The following MLIP variants were observed in gnomAD, a reference collection of about 807,000 sequenced individuals.
MLIP encodes muscular LMNA-interacting protein.
MLIP carries 79 observed loss-of-function variants against 84.8 expected under a neutral mutation model. The observed-to-expected ratio is 0.93, with a 90% CI of 0.78 to 1.12. The LOEUF is 1.12. Ranked by LOEUF, MLIP falls within the 50% of genes most tolerant of loss-of-function variation. The probability of loss-of-function intolerance (pLI) is 0.00; values close to 1 mark genes in which losing one functional copy is unlikely to be tolerated. For missense variants in MLIP, 1,257 were observed against 1,160.6 expected (o/e 1.08, Z -1.21); for synonymous variants, 504 against 463.0 (o/e 1.09, Z -1.14).
chr6:54,192,627 T>C (rs914460079), intron 10 of MLIP, among the ~76,000 whole-genome samples: 4 of 151,798 alleles, frequency 2.6e-5, no homozygotes, highest in African/African-American at 9.7e-5. Flanking sequence ...TATATATTTA[T>C]ATTTTTATAT....
Position 54,136,948 on chromosome 6 carries a change from C to T in MLIP, c.879C>T (p.Thr293=), listed in dbSNP as rs1366886357. The T allele has an allele frequency of 1.1e-5, 17 of 1,536,092 alleles. No individual in the cohort carries two copies. Among genetic ancestry groups the T allele is most frequent in the Non-Finnish European group, 1.4e-5 (16 of 1,146,886 alleles). ...HSTPFSASKG[T]SSTLLFPHST... Reference sequence around the variant, plus strand: ...CACCCTTTTCTGCATCGAAGGGCACCTCCTCGACGTTACTGTTTCCCCATT... The same window carrying T: ...CACCCTTTTCTGCATCGAAGGGCACTTCCTCGACGTTACTGTTTCCCCATT... The change falls in exon 4 of 14, where the codon ACC becomes ACT. Residue 293 remains threonine, a synonymous_variant. Transcript: ENST00000502396.
At chr6:54,173,786 T>C (rs1479891444) in intron 9 of MLIP, among the ~76,000 whole-genome samples, 1 of 151,970 alleles carries the variant, frequency 6.6e-6, no homozygotes, top group Admixed American at 6.6e-5. Context: ...TTGACTATAG[T>C]CAATTATTAT....
chr6:54,217,813 T>G, intron 11 of MLIP: 1 of 985,052 alleles, frequency 1.0e-6, no homozygotes, highest in African/African-American at 1.7e-5. Context: ...TGTACATCCC[T>G]CAAAAACTAA....
At chr6:54,084,071 A>G (rs1345863552) in intron 1 of MLIP, among the ~76,000 whole-genome samples, 1 of 152,150 alleles carries the variant, frequency 6.6e-6, no homozygotes, top group Non-Finnish European at 1.5e-5. Flanking sequence ...TGTAATTCTA[A>G]TTTCTTAACA....
chr6:54,103,238 C>T (rs1340539504), intron 1 of MLIP, among the ~76,000 whole-genome samples: 1 of 152,088 alleles, frequency 6.6e-6, no homozygotes, highest in Non-Finnish European at 1.5e-5. Context: ...TGTTACTGAA[C>T]ATATGTATGT....
chr6:54,251,457 T>TATATATAC (rs1189597700), intron 12 of MLIP, among the ~76,000 whole-genome samples: 2 of 131,902 alleles, frequency 1.5e-5, no homozygotes, highest in African/African-American at 6.5e-5. Flanking sequence ...TATATATATA[T>TATATATAC]ATATATATAT....
intron 11 of MLIP, among the ~76,000 whole-genome samples, chr6:54,210,974 C>CA (rs1349131769): frequency 6.6e-6 from 1 of 152,126 alleles, no homozygotes; most frequent in Non-Finnish European, 1.5e-5. Context: ...TGCAGTGGCT[C>CA]AGGCCTGTAA....
intron 1 of MLIP, among the ~76,000 whole-genome samples, chr6:54,092,871 T>C (rs1456379382): frequency 6.6e-6 from 1 of 152,042 alleles, no homozygotes; most frequent in African/African-American, 2.4e-5. Context: ...AGTTATTGAA[T>C]CTATTTTTTT....
chr6:54,155,129 T>C (rs180897571), intron 5 of MLIP, among the ~76,000 whole-genome samples: 18 of 152,258 alleles, frequency 1.2e-4, no homozygotes, highest in Admixed American at 4.6e-4. Flanking sequence ...AAAAATATTT[T>C]ACTGGCAAAT....
intron 10 of MLIP, among the ~76,000 whole-genome samples, chr6:54,191,193 A>T (rs1777888882): frequency 6.6e-6 from 1 of 152,208 alleles, no homozygotes; most frequent in Admixed American, 6.5e-5. Flanking sequence ...CTAGTAAAAC[A>T]GTTTGAAACA....
At chr6:54,197,821 A>G (rs1046438073) in intron 10 of MLIP, among the ~76,000 whole-genome samples, 2 of 152,090 alleles carry the variant, frequency 1.3e-5, no homozygotes, top group African/African-American at 2.4e-5. Context: ...GTTCAGTTTT[A>G]TAGACTCCCC....
intron 11 of MLIP, among the ~76,000 whole-genome samples, chr6:54,214,512 CT>C: frequency 6.6e-6 from 1 of 152,292 alleles, no homozygotes; most frequent in East Asian, 1.9e-4. Context: ...TTGTTTTCCT[CT>C]GTTCCCTCCA....
chr6:54,165,250 C>T (rs1368311163), intron 8 of MLIP, among the ~76,000 whole-genome samples: 1 of 151,896 alleles, frequency 6.6e-6, no homozygotes, highest in African/African-American at 2.4e-5. Context: ...CTTGCCACTT[C>T]CTCTCCACCC....
At chr6:54,133,364 C>G (rs529873686) in intron 3 of MLIP, among the ~76,000 whole-genome samples, 1 of 152,232 alleles carries the variant, frequency 6.6e-6, no homozygotes, top group African/African-American at 2.4e-5. Context: ...GAGAAGAGGA[C>G]AAATCAATAA....
intron 1 of MLIP, among the ~76,000 whole-genome samples, chr6:54,075,529 G>A (rs370591346): frequency 3.3e-5 from 5 of 151,994 alleles, no homozygotes; most frequent in East Asian, 3.9e-4. Context: ...CCTTACCAAC[G>A]TTGCCTAGCA....
At chr6:54,202,657 C>A (rs1318218361) in intron 11 of MLIP, among the ~76,000 whole-genome samples, 1 of 151,870 alleles carries the variant, frequency 6.6e-6, no homozygotes, top group Admixed American at 6.6e-5. Flanking sequence ...CTTTGGGAAG[C>A]CAAGGCAGGA....
intron 1 of MLIP, among the ~76,000 whole-genome samples, chr6:54,105,714 G>C (rs1419994909): frequency 2.0e-5 from 3 of 152,074 alleles, no homozygotes; most frequent in African/African-American, 7.2e-5. Flanking sequence ...AGGTGGTAAG[G>C]GATCTTTCAC....
At chr6:54,230,200 CAAACTCAACTCCG>C (rs1285927822) in intron 11 of MLIP, among the ~76,000 whole-genome samples, 1 of 152,172 alleles carries the variant, frequency 6.6e-6, no homozygotes, top group African/African-American at 2.4e-5. Context: ...TTATCCATGA[CAAACTCAACTCCG>C]AAACTTATTG....
chr6:54,125,073 G>A (rs529436555), intron 3 of MLIP, among the ~76,000 whole-genome samples: 1 of 152,332 alleles, frequency 6.6e-6, no homozygotes, highest in African/African-American at 2.4e-5. Flanking sequence ...AAGCAATTAT[G>A]CTGTGAATTG....
Sources: gnomAD v4.1 joint callset for allele counts (sites outside exome capture counted in the v4.1 genomes callset) on GRCh38, gnomAD v4.1.1 for gene constraint, MANE v1.5 for transcripts, NCBI Gene and HGNC (gene_info 2026-07-23, HGNC 2026-07-21) for gene names.